TAF2: variants seen among roughly 807,000 people sequenced by gnomAD.
TAF2 encodes transcription initiation factor TFIID subunit 2.
In TAF2, 61 loss-of-function variants were observed where a neutral mutation model predicts 138.5. That is an observed-to-expected ratio of 0.44 (90% CI 0.36 to 0.54). TAF2 has a LOEUF of 0.54. TAF2 is among the 20% of genes least tolerant of loss of function. The pLI, the probability that TAF2 is intolerant of heterozygous loss-of-function variation, is 0.00. For missense variants in TAF2, 1,090 were observed against 1,427.9 expected (o/e 0.76, Z 3.81); for synonymous variants, 475 against 469.9 (o/e 1.01, Z -0.14).
At chr8:119,764,931 C>T (rs539314173) in intron 18 of TAF2, among the ~76,000 whole-genome samples, 7 of 151,990 alleles carry the variant, frequency 4.6e-5, no homozygotes, top group Admixed American at 4.6e-4. Context: ...AAGAATCTTA[C>T]CAAAATGTCT....
At chr8:119,824,148 G>A (rs936233231) in intron 2 of TAF2, among the ~76,000 whole-genome samples, 2 of 152,022 alleles carry the variant, frequency 1.3e-5, no homozygotes, top group African/African-American at 2.4e-5. Context: ...AAGAAAATCC[G>A]GGCCGGGCAT....
At chr8:119,733,372 A>C (rs927999445) in intron 25 of TAF2, among the ~76,000 whole-genome samples, 10 of 149,978 alleles carry the variant, frequency 6.7e-5, no homozygotes, top group African/African-American at 2.5e-4. Context: ...TACACAGATG[A>C]GAGTAGTGTC....
rs774003035 is a variant in TAF2, at chr8:119,819,335, G to T, written c.299+11C>A. On this transcript the variant is annotated intron_variant, in intron 3 of 25. Coordinates refer to ENST00000378164, the MANE Select transcript of TAF2 (RefSeq NM_003184.4). ...TGTTAAAAATAGTGACTTTTAAAGT[G>T]CATAACTTACTGTTTTGATTCACTG... The T allele has an allele frequency of 6.2e-7, 1 of 1,611,710 alleles. No individual in the cohort carries two copies. The highest frequency in any genetic ancestry group is 2.2e-5 in the East Asian group (1 of 44,752).
intron 18 of TAF2, among the ~76,000 whole-genome samples, chr8:119,771,015 G>A (rs570643377): frequency 6.6e-6 from 1 of 152,130 alleles, no homozygotes; most frequent in Admixed American, 6.5e-5. Flanking sequence ...AGGTTGCAGT[G>A]AGCTGAGATC....
chr8:119,824,625 T>C (rs1275958090), intron 2 of TAF2, among the ~76,000 whole-genome samples: 1 of 151,784 alleles, frequency 6.6e-6, no homozygotes, highest in Admixed American at 6.6e-5. Flanking sequence ...GAAAAAGTGG[T>C]TTTGTGGGCC....
intron 3 of TAF2, among the ~76,000 whole-genome samples, chr8:119,812,741 GTGTGTGTGTGTATATA>G (rs1563916284): frequency 4.4e-5 from 6 of 137,336 alleles, no homozygotes; most frequent in Non-Finnish European, 6.3e-5. Flanking sequence ...GTGTGTGTGT[GTGTGTGTGTGTATATA>G]TGTGTGTATA....
At chr8:119,793,636 C>T (rs1182451770) in intron 9 of TAF2, among the ~76,000 whole-genome samples, 185 bp from the exon 10 acceptor site, 1 of 152,172 alleles carries the variant, frequency 6.6e-6, no homozygotes, top group Non-Finnish European at 1.5e-5. Flanking sequence ...ACACAGCTGG[C>T]AGAATGACAA....
intron 18 of TAF2, chr8:119,766,964 T>C (rs1821470813): frequency 6.6e-6 from 1 of 152,246 alleles, no homozygotes; most frequent in African/African-American, 2.4e-5. Context: ...GTGTTACACA[T>C]GCTTTCTGAT....
At chr8:119,751,166 A>G (rs1230935853) in intron 22 of TAF2, among the ~76,000 whole-genome samples, 2 of 152,150 alleles carry the variant, frequency 1.3e-5, no homozygotes, top group African/African-American at 4.8e-5. Flanking sequence ...ATCTTACTTG[A>G]AGCTATAAAG....
Position 119,742,620 on chromosome 8 carries a change from G to A in TAF2, c.3251C>T (p.Ala1084Val), listed in dbSNP as rs972783970. The A allele has an allele frequency of 3.7e-6, 6 of 1,613,902 alleles. No homozygotes were observed. Among genetic ancestry groups the A allele is most frequent in the African/African-American group, 2.7e-5 (2 of 74,976 alleles). The change falls in exon 25 of 26, where the codon GCT becomes GTT. Residue 1084 changes from alanine (A) to valine (V), a missense_variant. Physicochemically the swap from Ala to Val is moderately conservative, Grantham distance 64. Coordinates refer to ENST00000378164, the MANE Select transcript of TAF2 (RefSeq NM_003184.4). ...SKYRPASSRS[A>V]LIPQHSAGCD... ...GCCTGCTGAGTGCTGGGGTATTAAA[G>A]CAGATCGGGAGCTAGCTGGCCGATA...
chr8:119,791,528 C>A, intron 10 of TAF2, 69 bp from the exon 11 acceptor site: 1 of 1,532,760 alleles, frequency 6.5e-7, no homozygotes, highest in South Asian at 1.2e-5. Context: ...AATTTCATGA[C>A]CACATCAAGA....
intron 2 of TAF2, among the ~76,000 whole-genome samples, chr8:119,823,084 C>A (rs138443339): frequency 5.1e-4 from 77 of 152,310 alleles, no homozygotes; most frequent in African/African-American, 1.8e-3. Flanking sequence ...TAATTACAAT[C>A]TTTCCTTTCT....
chr8:119,740,665 A>AG (rs1309678886), intron 25 of TAF2, among the ~76,000 whole-genome samples: 1 of 96,054 alleles, frequency 1.0e-5, no homozygotes, highest in African/African-American at 3.9e-5. Context: ...ACTGTCTCAA[A>AG]AAAAAAAAAA....
At chr8:119,796,539 T>A (rs1192432540) in intron 8 of TAF2, among the ~76,000 whole-genome samples, 1 of 152,116 alleles carries the variant, frequency 6.6e-6, no homozygotes, top group African/African-American at 2.4e-5. Flanking sequence ...TTACATTAAA[T>A]ATTGAGTTAT....
chr8:119,770,661 C>T (rs181706156), intron 18 of TAF2, among the ~76,000 whole-genome samples: 263 of 152,274 alleles, frequency 1.7e-3, no homozygotes, highest in Middle Eastern at 3.4e-3. Context: ...AGAAAGCTCA[C>T]AGATCCTATA....
At position 119,789,775 on chromosome 8, in the gene TAF2, C is replaced by A. The variant is rs758917431; in HGVS notation, c.1414-29G>T. 28 of 1,601,618 alleles carry A rather than the reference C, an allele frequency of 1.7e-5. No individual in the cohort carries two copies. In the East Asian group the frequency reaches 5.8e-4, roughly 33 times the overall value. The stretch of plus-strand genomic sequence containing the variant: ...TAAGGATAAAATCATTTAGTAAATT[C>A]ATATAACAGATTCTTTTCAATTATA... On this transcript the variant is annotated intron_variant, in intron 11 of 25. Transcript: ENST00000378164.
rs192836047 is a variant in TAF2 at position 119,776,944 on chromosome 8, A to G, written c.2364+1075T>C. Among the ~76,000 whole-genome samples the G allele has an allele frequency of 3.3e-4, 50 of 152,280 alleles. No homozygotes were observed. The East Asian group carries it at 6.0e-3, about 18-fold the overall frequency. ...TGGGTTCCATATCCATGGATTCTGC[A>G]TCTTTGAATTCCACCAACCTCAGAT... On this transcript the variant is annotated intron_variant, in intron 18 of 25. Transcript: ENST00000378164.
intron 20 of TAF2, among the ~76,000 whole-genome samples, chr8:119,759,120 A>G (rs950751908): frequency 6.6e-6 from 1 of 152,120 alleles, no homozygotes; most frequent in Non-Finnish European, 1.5e-5. Context: ...GTCAAAACAG[A>G]AATGGAGAGA....
Position 119,814,737 on chromosome 8 carries a change from C to CAAA in TAF2, c.299+4606_299+4608dup, listed in dbSNP as rs397795248. On this transcript the variant is annotated intron_variant, in intron 3 of 25. Coordinates refer to ENST00000378164, the MANE Select transcript of TAF2 (RefSeq NM_003184.4). ...TGAAACCCTGTCTCTACCAAAAATA[C>CAAA]AAAAAAAAAAAAAAAAAAAAAATTA... Among the ~76,000 whole-genome samples, 14 of 86,470 alleles carry CAAA rather than the reference C, an allele frequency of 1.6e-4. No individual in the cohort carries two copies. In the South Asian group the frequency reaches 2.1e-3, roughly 13 times the overall value. 56.7% of individuals were successfully genotyped at this position (86,470 alleles called of 152,430 possible).
Sources: gnomAD v4.1 joint callset for allele counts (sites outside exome capture counted in the v4.1 genomes callset) on GRCh38, gnomAD v4.1.1 for gene constraint, MANE v1.5 for transcripts, NCBI Gene and HGNC (gene_info 2026-07-23, HGNC 2026-07-21) for gene names.